Variants in YTHDC2 observed in about 807,000 individuals in gnomAD.
The protein encoded by YTHDC2 is YTH N6-methyladenosine RNA binding protein C2.
In YTHDC2, 45 loss-of-function variants were observed where a neutral mutation model predicts 174.9. The observed-to-expected ratio is 0.26, with a 90% CI of 0.20 to 0.33. YTHDC2 has a LOEUF of 0.33. YTHDC2 is among the 10% of genes least tolerant of loss of function. The pLI, the probability that YTHDC2 is intolerant of heterozygous loss-of-function variation, is 1.00. For synonymous variants in YTHDC2, 657 were observed against 574.5 expected (o/e 1.14, Z -2.05); for missense variants, 1,650 against 1,723.7 (o/e 0.96, Z 0.76).
intron 26 of YTHDC2, among the ~76,000 whole-genome samples, chr5:113,590,646 C>G (rs1246977056): frequency 6.6e-6 from 1 of 152,222 alleles, no homozygotes; most frequent in Non-Finnish European, 1.5e-5. Flanking sequence ...CAGTGTCTTT[C>G]TGCACAACTT....
At chr5:113,554,958 A>T (rs1776500841) in intron 16 of YTHDC2, among the ~76,000 whole-genome samples, 2 of 151,984 alleles carry the variant, frequency 1.3e-5, no homozygotes, top group South Asian at 2.1e-4. Flanking sequence ...TAATTGCCTT[A>T]TGTTTTCAAT....
chr5:113,532,803 T>A lies in YTHDC2; in HGVS notation c.676-76T>A, dbSNP rs144197941. On this transcript the variant is annotated intron_variant, in intron 4 of 29. Coordinates refer to ENST00000161863, the MANE Select transcript of YTHDC2 (RefSeq NM_022828.5). ...TGTTATAGAACTTCAATTCTAGTGGTTTTTCAGTTGATTCACTTAGATTTT... is the reference window on the plus strand; with the variant it reads ...TGTTATAGAACTTCAATTCTAGTGGATTTTCAGTTGATTCACTTAGATTTT... 7,250 of 1,368,600 alleles carry A rather than the reference T, an allele frequency of 5.3e-3. 26 individuals carry two copies. Among genetic ancestry groups the A allele is most frequent in the Non-Finnish European group, 5.6e-3 (5,640 of 1,004,794 alleles). 84.8% of individuals were successfully genotyped at this position (1,368,600 alleles called of 1,614,324 possible).
intron 2 of YTHDC2, among the ~76,000 whole-genome samples, chr5:113,518,905 A>G (rs1773669843): frequency 6.6e-6 from 1 of 152,098 alleles, no homozygotes; most frequent in African/African-American, 2.4e-5. Flanking sequence ...TTTTAGAGAC[A>G]GAGTCTTCCT....
chr5:113,550,346 G>T (rs927431405), intron 12 of YTHDC2, among the ~76,000 whole-genome samples: 6 of 151,976 alleles, frequency 3.9e-5, no homozygotes, highest in African/African-American at 1.5e-4. Flanking sequence ...AATTTGGGAA[G>T]AATTACTATC....
chr5:113,520,996 A>T (rs553385956), intron 2 of YTHDC2, among the ~76,000 whole-genome samples: 1 of 152,252 alleles, frequency 6.6e-6, no homozygotes, highest in East Asian at 1.9e-4. Context: ...TCCTACTTAC[A>T]AATGTGAGCA....
In YTHDC2 at chr5:113,518,033, C is replaced by T. The variant is rs555878821; in HGVS notation, c.278+2671C>T. 1.2e-4 allele frequency among the ~76,000 whole-genome samples: 18 copies of T among 151,994 alleles called. No individual in the cohort carries two copies. In the South Asian group the frequency reaches 1.9e-3, roughly 16 times the overall value. On this transcript the variant is annotated intron_variant, in intron 2 of 29. Coordinates refer to ENST00000161863, the MANE Select transcript of YTHDC2 (RefSeq NM_022828.5). Reference sequence around the variant, plus strand: ...CCTCCCAAGTAGCTAGGACTACAGGCGCCCACCACCACGCCCGGCTAATTT... The same window carrying T: ...CCTCCCAAGTAGCTAGGACTACAGGTGCCCACCACCACGCCCGGCTAATTT...
intron 23 of YTHDC2, among the ~76,000 whole-genome samples, chr5:113,569,347 A>G (rs576798368): frequency 6.6e-6 from 1 of 152,304 alleles, no homozygotes; most frequent in East Asian, 1.9e-4. Context: ...CTTTAGTTTA[A>G]TTAGATCCCA....
In YTHDC2 at chr5:113,528,770, A is replaced by G. The variant is rs181760009; in HGVS notation, c.675+1985A>G. Among the ~76,000 whole-genome samples the G allele has an allele frequency of 5.1e-4, 77 of 152,316 alleles. No individual in the cohort carries two copies. The East Asian group carries it at 0.012, about 24-fold the overall frequency. On this transcript the variant is annotated intron_variant, in intron 4 of 29. Transcript: ENST00000161863. ...GCGATCCACCTGCCTTGGCCTCCCA[A>G]AGTACTGGGATTACAGGCATAAGCC...
intron 24 of YTHDC2, 67 bp downstream of exon 24, chr5:113,579,762 G>T: frequency 7.1e-7 from 1 of 1,413,088 alleles, no homozygotes; most frequent in Non-Finnish European, 9.3e-7. Context: ...TATATAATAT[G>T]ATAAAATTTT....
chr5:113,555,525 C>T (rs983474677), intron 16 of YTHDC2, among the ~76,000 whole-genome samples: 4 of 151,428 alleles, frequency 2.6e-5, no homozygotes, highest in Non-Finnish European at 5.9e-5. Flanking sequence ...TTGTAACGTT[C>T]GGGAAAGGCT....
chr5:113,526,397 A>G (rs1260200866), intron 3 of YTHDC2, among the ~76,000 whole-genome samples, 189 bp from the exon 4 acceptor site: 1 of 152,144 alleles, frequency 6.6e-6, no homozygotes. Context: ...TATGTGTAAG[A>G]GTACAATTGA....
In YTHDC2 at chr5:113,517,711, G is replaced by A. The variant is rs192567083; in HGVS notation, c.278+2349G>A. 9.2e-4 allele frequency: 359 copies of A among 389,116 alleles called. 4 individuals are homozygous for A. The East Asian group carries it at 0.027, about 29-fold the overall frequency. The allele number at this position is 389,116 out of a possible 1,614,324, so 24.1% of individuals were successfully genotyped here. On this transcript the variant is annotated intron_variant, in intron 2 of 29. Coordinates refer to ENST00000161863, the MANE Select transcript of YTHDC2 (RefSeq NM_022828.5). ...CCTTCTCTCTTTTTTTCATCTTTGAGTAAACTTTGTACTATATTTTCTTAG... is the reference window on the plus strand; with the variant it reads ...CCTTCTCTCTTTTTTTCATCTTTGAATAAACTTTGTACTATATTTTCTTAG...
intron 10 of YTHDC2, among the ~76,000 whole-genome samples, chr5:113,545,482 A>C (rs1303820029): frequency 6.6e-6 from 1 of 151,844 alleles, no homozygotes; most frequent in Non-Finnish European, 1.5e-5. Context: ...TTCTGGGCTC[A>C]GGTGATTCTC....
Position 113,594,453 on chromosome 5 carries a change from T to C in YTHDC2, c.*979T>C, listed in dbSNP as rs1779160241. 6.6e-6 allele frequency: 1 copy of C among 152,222 alleles called. No individual in the cohort carries two copies. The highest frequency in any genetic ancestry group is 6.5e-5 in the Admixed American group (1 of 15,276). The allele number at this position is 152,222 out of a possible 1,614,324, so 9.4% of individuals were successfully genotyped here. A position where few individuals can be genotyped will look rare whatever the true frequency, so the allele number is the denominator to read the frequency against. On this transcript the variant is annotated 3_prime_UTR_variant, in exon 30 of 30. Coordinates refer to ENST00000161863, the MANE Select transcript of YTHDC2 (RefSeq NM_022828.5). ...CAATTCTAAGTGCCGCCTTCCATTT[T>C]TTTTCAGTATGTTTTCACTGGCTTA...
intron 9 of YTHDC2, among the ~76,000 whole-genome samples, chr5:113,541,993 A>G (rs928325300): frequency 6.6e-6 from 1 of 152,136 alleles, no homozygotes; most frequent in Admixed American, 6.5e-5. Flanking sequence ...ATTCTGATGC[A>G]CTTGCTCTGG....
intron 24 of YTHDC2, among the ~76,000 whole-genome samples, chr5:113,580,487 A>G (rs559269287): frequency 2.6e-5 from 4 of 152,178 alleles, no homozygotes; most frequent in South Asian, 2.1e-4. Flanking sequence ...CCTTGATTCT[A>G]TCTCTACTGT....
chr5:113,538,428 C>T (rs1185193049), intron 7 of YTHDC2, among the ~76,000 whole-genome samples: 1 of 152,054 alleles, frequency 6.6e-6, no homozygotes, highest in Non-Finnish European at 1.5e-5. Context: ...GAACGATATC[C>T]CTCTCCATTC....
In YTHDC2 at chr5:113,564,247, A is replaced by G. The variant is rs893021430; in HGVS notation, c.2715+116A>G. ...TTTAAAATTGCATTAATTTTGTTTCATTATGAAGTCACATTAATAGTCCTG... is the reference window on the plus strand; with the variant it reads ...TTTAAAATTGCATTAATTTTGTTTCGTTATGAAGTCACATTAATAGTCCTG... On this transcript the variant is annotated intron_variant, in intron 20 of 29. Coordinates refer to ENST00000161863, the MANE Select transcript of YTHDC2 (RefSeq NM_022828.5). The G allele has an allele frequency of 4.2e-6, 5 of 1,180,204 alleles. 1 individual carries two copies. Among genetic ancestry groups the G allele is most frequent in the Middle Eastern group, 5.1e-4 (2 of 3,952 alleles). 73.1% of individuals were successfully genotyped at this position (1,180,204 alleles called of 1,614,324 possible).
At chr5:113,560,932 T>A in intron 17 of YTHDC2, 148 bp from the exon 18 acceptor site, 1 of 593,156 alleles carries the variant, frequency 1.7e-6, no homozygotes, top group Non-Finnish European at 2.6e-6. Context: ...TCCAAAATGA[T>A]TGATAAGAGG....
Sources: allele counts gnomAD v4.1 joint callset (sites outside exome capture counted in the v4.1 genomes callset), GRCh38; gene constraint gnomAD v4.1.1; transcripts MANE v1.5; gene names NCBI Gene and HGNC (gene_info 2026-07-23, HGNC 2026-07-21).